OR51E1: variants seen among roughly 807,000 people sequenced by gnomAD.
The protein encoded by OR51E1 is olfactory receptor 51E1.
Under a neutral mutation model 11.5 loss-of-function variants are expected in OR51E1, and 9 were observed. That is an observed-to-expected ratio of 0.78 (90% confidence interval 0.47 to 1.37). OR51E1 has a LOEUF of 1.37. OR51E1 is among the 40% of genes most tolerant of loss of function. OR51E1 has a pLI of 0.00. For missense variants in OR51E1, 397 were observed against 410.2 expected, an observed-to-expected ratio of 0.97 and a Z score of 0.28; for synonymous variants, 168 against 158.3, an observed-to-expected ratio of 1.06 and a Z score of -0.46.
rs1251163413 is a variant in OR51E1 at position 4,653,748 on chromosome 11, A to T, written c.*265A>T. On this transcript the variant is annotated 3_prime_UTR_variant, in exon 2 of 2. Transcript: ENST00000396952. The stretch of plus-strand genomic sequence containing the variant: ...ATTTTACCATGCAGTCCAAATCTAA[A>T]CTGCTTCTACTGATGGTTTACAGCA... 2.9e-6 allele frequency: 1 copy of T among 342,934 alleles called. No homozygotes were observed. Among genetic ancestry groups the T allele is most frequent in the East Asian group, 5.5e-5 (1 of 18,214 alleles). 21.2% of individuals were successfully genotyped at this position (342,934 alleles called of 1,614,324 possible). A position where few individuals can be genotyped will look rare whatever the true frequency, so the allele number is the denominator to read the frequency against.
At chr11:4,647,290 G>A (rs572304628) in intron 1 of OR51E1, among the ~76,000 whole-genome samples, 1 of 152,282 alleles carries the variant, frequency 6.6e-6, no homozygotes, top group Admixed American at 6.5e-5. Flanking sequence ...AAGAGATAGG[G>A]CTAATAGGCT....
At chr11:4,650,094 G>A (rs778889957) in intron 1 of OR51E1, among the ~76,000 whole-genome samples, 1 of 152,126 alleles carries the variant, frequency 6.6e-6, no homozygotes, top group Non-Finnish European at 1.5e-5. Flanking sequence ...ACAATTAGGT[G>A]AACCCTTTTA....
At chr11:4,645,663 C>T (rs891250014) in intron 1 of OR51E1, among the ~76,000 whole-genome samples, 3 of 152,150 alleles carry the variant, frequency 2.0e-5, no homozygotes, top group African/African-American at 7.2e-5. Flanking sequence ...AATAGCTCTA[C>T]AGGGAACTGG....
At chr11:4,647,781 A>T (rs965696732) in intron 1 of OR51E1, among the ~76,000 whole-genome samples, 3 of 152,196 alleles carry the variant, frequency 2.0e-5, no homozygotes, top group African/African-American at 7.2e-5. Context: ...AGTTCAACTT[A>T]TTCACAGAAA....
At position 4,654,893 on chromosome 11, in the gene OR51E1, A is replaced by G. The variant is rs1847150653; in HGVS notation, c.*1410A>G. 6.0e-6 allele frequency: 1 copy of G among 167,056 alleles called. No individual in the cohort carries two copies. The highest frequency in any genetic ancestry group is 6.5e-5 in the Admixed American group (1 of 15,280). 10.3% of individuals were successfully genotyped at this position (167,056 alleles called of 1,614,324 possible). A position where few individuals can be genotyped will look rare whatever the true frequency, so the allele number is the denominator to read the frequency against. On this transcript the variant is annotated 3_prime_UTR_variant, in exon 2 of 2. Coordinates refer to ENST00000396952, the MANE Select transcript of OR51E1 (RefSeq NM_152430.4). ...TGTGATCATATATGTGGTAAGTTTC[A>G]TTTTCTTTTTCAATCCTCAGGTTCC...
At chr11:4,648,310 T>C (rs1441011005) in intron 1 of OR51E1, among the ~76,000 whole-genome samples, 3 of 152,232 alleles carry the variant, frequency 2.0e-5, no homozygotes, top group African/African-American at 7.2e-5. Flanking sequence ...AGTGTGTACA[T>C]ACAGGCCAAG....
rs1589863106 is a variant in OR51E1, at chr11:4,653,809, G to T, written c.*326G>T. On this transcript the variant is annotated 3_prime_UTR_variant, in exon 2 of 2. Transcript: ENST00000396952. The stretch of plus-strand genomic sequence containing the variant: ...AGAATGGTACATCTAGAGAACATTT[G>T]CCAAAGGCCTAAGCACGGCAAAGGA... 2 of 224,632 alleles carry T rather than the reference G, an allele frequency of 8.9e-6. No individual in the cohort carries two copies. The highest frequency in any genetic ancestry group is 1.1e-4 in the East Asian group (1 of 9,144). The allele number at this position is 224,632 out of a possible 1,614,324, so 13.9% of individuals were successfully genotyped here.
In OR51E1 at chr11:4,653,489, A is replaced by G. The variant is rs1394069709; in HGVS notation, c.*6A>G. The G allele has an allele frequency of 2.6e-6, 4 of 1,536,232 alleles. No individual in the cohort carries two copies. The highest frequency in any genetic ancestry group is 2.3e-5 in the East Asian group (1 of 44,210). ...CACACGCTTCAGAGCCCTAGGTGTCAGTGATCAAACTTCTTTTCCATTCAG... is the reference window on the plus strand; with the variant it reads ...CACACGCTTCAGAGCCCTAGGTGTCGGTGATCAAACTTCTTTTCCATTCAG... On this transcript the variant is annotated 3_prime_UTR_variant, in exon 2 of 2. Transcript: ENST00000396952.
At position 4,653,269 on chromosome 11, in the gene OR51E1, G is replaced by A. The variant is rs373676440; in HGVS notation, c.743G>A (p.Cys248Tyr). ...TTTGGCACTTGCGTCTCTCATGTGT[G>A]TGCTGTGTTCATATTCTATGTACCT... ...KAFGTCVSHVCAVFIFYVPFI... is the reference protein window; with the variant it reads ...KAFGTCVSHVYAVFIFYVPFI... Residue 248 changes from cysteine (C) to tyrosine (Y), a missense_variant, in exon 2 of 2, where the codon TGT becomes TAT. Coordinates refer to ENST00000396952, the MANE Select transcript of OR51E1 (RefSeq NM_152430.4). The A allele has an allele frequency of 1.6e-5, 26 of 1,614,136 alleles. No individual in the cohort carries two copies. The highest frequency in any genetic ancestry group is 2.0e-5 in the Non-Finnish European group (24 of 1,179,982).
intron 1 of OR51E1, among the ~76,000 whole-genome samples, chr11:4,649,401 T>C (rs921913661): frequency 6.6e-6 from 1 of 151,752 alleles, no homozygotes; most frequent in African/African-American, 2.4e-5. Context: ...GGATGAGAAG[T>C]AAAAAAAGAC....
chr11:4,648,391 T>A (rs1399152246), intron 1 of OR51E1, among the ~76,000 whole-genome samples: 1 of 152,236 alleles, frequency 6.6e-6, no homozygotes, highest in East Asian at 1.9e-4. Flanking sequence ...GAGACCTTGT[T>A]GCCCATTTTT....
intron 1 of OR51E1, among the ~76,000 whole-genome samples, chr11:4,652,277 A>G (rs1049721143): frequency 9.9e-5 from 15 of 152,220 alleles, no homozygotes; most frequent in African/African-American, 2.9e-4. Context: ...AGGATTAACA[A>G]TACAGATGGG....
intron 1 of OR51E1, among the ~76,000 whole-genome samples, chr11:4,650,408 C>T (rs747167561): frequency 1.1e-4 from 17 of 152,130 alleles, no homozygotes; most frequent in Non-Finnish European, 2.1e-4. Context: ...GCTGCAGCAG[C>T]GAGAAGGGAC....
chr11:4,649,266 A>C (rs1847065325), intron 1 of OR51E1, among the ~76,000 whole-genome samples: 1 of 152,238 alleles, frequency 6.6e-6, no homozygotes, highest in South Asian at 2.1e-4. Context: ...TAAGCATTTA[A>C]TTATGCCTAG....
At chr11:4,652,347 A>C in intron 1 of OR51E1, 141 bp from the exon 2 acceptor site, 1 of 593,782 alleles carries the variant, frequency 1.7e-6, no homozygotes, top group Non-Finnish European at 3.0e-6. Flanking sequence ...AGATTATGTG[A>C]GATTGCATTT....
chr11:4,649,167 G>A (rs1847064272), intron 1 of OR51E1, among the ~76,000 whole-genome samples: 1 of 152,066 alleles, frequency 6.6e-6, no homozygotes, highest in Non-Finnish European at 1.5e-5. Context: ...TAATTCAGGG[G>A]AAAATATAGC....
rs1847134759 is a variant in OR51E1 at position 4,653,671 on chromosome 11, A to G, written c.*188A>G. 3.6e-6 allele frequency: 2 copies of G among 548,894 alleles called. No homozygotes were observed. Among genetic ancestry groups the G allele is most frequent in the Admixed American group, 7.1e-5 (2 of 28,106 alleles). 34.0% of individuals were successfully genotyped at this position (548,894 alleles called of 1,614,324 possible). On this transcript the variant is annotated 3_prime_UTR_variant, in exon 2 of 2. Transcript: ENST00000396952. Reference sequence around the variant, plus strand: ...ATTTTCTTCTTTGTTTTCTTGCTACATATAATTATTAATACCCTGACTAGG... The same window carrying G: ...ATTTTCTTCTTTGTTTTCTTGCTACGTATAATTATTAATACCCTGACTAGG...
At chr11:4,650,253 T>C (rs975167747) in intron 1 of OR51E1, among the ~76,000 whole-genome samples, 2 of 152,124 alleles carry the variant, frequency 1.3e-5, no homozygotes, top group Admixed American at 1.3e-4. Flanking sequence ...GGAAGAGCAC[T>C]GAAGATGCAA....
At position 4,655,438 on chromosome 11, in the gene OR51E1, G is replaced by T. The variant is rs552756392; in HGVS notation, c.*1955G>T. 6.0e-6 allele frequency: 1 copy of T among 166,710 alleles called. No individual in the cohort carries two copies. Among genetic ancestry groups the T allele is most frequent in the African/African-American group, 2.4e-5 (1 of 41,552 alleles). 10.3% of individuals were successfully genotyped at this position (166,710 alleles called of 1,614,324 possible). On this transcript the variant is annotated 3_prime_UTR_variant, in exon 2 of 2. Transcript: ENST00000396952. ...GCAACTCCCACTTGTATTTGTACGA[G>T]GCAGTTGGATAAGTGAAAAATAAAG...
Sources: gnomAD v4.1 joint callset for allele counts (sites outside exome capture counted in the v4.1 genomes callset) on GRCh38, gnomAD v4.1.1 for gene constraint, MANE v1.5 for transcripts, NCBI Gene and HGNC (gene_info 2026-07-23, HGNC 2026-07-21) for gene names.